Variants in PTPRD observed in about 807,000 individuals in gnomAD.
PTPRD encodes the protein protein tyrosine phosphatase receptor type D.
Under a neutral mutation model 214.5 loss-of-function variants are expected in PTPRD, and 34 were observed. The observed-to-expected ratio is 0.16, with a 90% CI of 0.12 to 0.21. PTPRD has a LOEUF of 0.21. Ranked by LOEUF, PTPRD falls within the 10% of genes least tolerant of loss-of-function variation. The pLI, the probability that PTPRD is intolerant of heterozygous loss-of-function variation, is 1.00. For missense variants in PTPRD, 2,545 were observed against 2,398.7 expected, an observed-to-expected ratio of 1.06 and a Z score of -1.27; for synonymous variants, 1,128 against 845.7, an observed-to-expected ratio of 1.33 and a Z score of -5.79.
chr9:9,961,359 G>T (rs946463839), intron 4 of PTPRD, among the ~76,000 whole-genome samples: 6 of 152,230 alleles, frequency 3.9e-5, no homozygotes, highest in Non-Finnish European at 7.4e-5. Flanking sequence ...TGTATTTGCT[G>T]AAACAGTGGT....
chr9:10,108,908 ATATAATAC>A (rs745770565), intron 3 of PTPRD, among the ~76,000 whole-genome samples: 31 of 151,982 alleles, frequency 2.0e-4, no homozygotes, highest in Non-Finnish European at 2.9e-5. Flanking sequence ...TTATTCCATA[ATATAATAC>A]TATACTCAGC....
intron 7 of PTPRD, among the ~76,000 whole-genome samples, chr9:9,641,689 A>G (rs1247335943): frequency 2.0e-5 from 3 of 152,188 alleles, no homozygotes; most frequent in Non-Finnish European, 2.9e-5. Flanking sequence ...AAAAATAACA[A>G]AGGAATTTTT....
chr9:10,113,759 C>T (rs574101088), intron 3 of PTPRD, among the ~76,000 whole-genome samples: 1 of 152,226 alleles, frequency 6.6e-6, no homozygotes, highest in South Asian at 2.1e-4. Context: ...ACAAAGTCAC[C>T]TGGAGATCAT....
intron 5 of PTPRD, among the ~76,000 whole-genome samples, chr9:9,792,048 C>A (rs1023991654): frequency 6.6e-6 from 1 of 151,932 alleles, no homozygotes; most frequent in East Asian, 1.9e-4. Flanking sequence ...ATATTATAAT[C>A]GAATGGGACT....
intron 5 of PTPRD, among the ~76,000 whole-genome samples, chr9:9,833,890 A>G (rs571850958): frequency 3.4e-4 from 51 of 152,128 alleles, no homozygotes; most frequent in Non-Finnish European, 5.9e-4. Context: ...TTCTTTTTTC[A>G]GGATGTCCAC....
chr9:10,179,750 G>C (rs1418925357), intron 3 of PTPRD, among the ~76,000 whole-genome samples: 1 of 152,008 alleles, frequency 6.6e-6, no homozygotes, highest in African/African-American at 2.4e-5. Flanking sequence ...CTGAAGCGGA[G>C]ACTAACTTGC....
intron 14 of PTPRD, among the ~76,000 whole-genome samples, chr9:8,548,604 G>C (rs1240857535): frequency 1.4e-5 from 2 of 147,918 alleles, no homozygotes; most frequent in African/African-American, 4.9e-5. Context: ...CTGACCTCAA[G>C]TGATCCACTT....
At chr9:10,460,708 T>C (rs1316277486) in intron 2 of PTPRD, among the ~76,000 whole-genome samples, 3 of 152,094 alleles carry the variant, frequency 2.0e-5, no homozygotes, top group Non-Finnish European at 2.9e-5. Context: ...TGAAATGGAA[T>C]CCTTCTCTTA....
chr9:8,549,452 G>C (rs975989318), intron 14 of PTPRD, among the ~76,000 whole-genome samples: 1 of 152,160 alleles, frequency 6.6e-6, no homozygotes, highest in African/African-American at 2.4e-5. Context: ...ACCCAGCAAA[G>C]AATTTACAGT....
At chr9:10,338,935 G>C (rs1358769611) in intron 3 of PTPRD, among the ~76,000 whole-genome samples, 1 of 146,650 alleles carries the variant, frequency 6.8e-6, no homozygotes, top group African/African-American at 2.5e-5. Context: ...TAAATATAAT[G>C]TAGACAAAAA....
intron 10 of PTPRD, among the ~76,000 whole-genome samples, chr9:9,124,993 C>T (rs531224278): frequency 6.6e-6 from 1 of 152,162 alleles, no homozygotes; most frequent in Admixed American, 6.5e-5. Flanking sequence ...CCCTACCTTC[C>T]TTTTCTGTCT....
Position 9,919,819 on chromosome 9 carries a change from A to G in PTPRD, c.-368+18688T>C, listed in dbSNP as rs1033079425. 5.9e-5 allele frequency among the ~76,000 whole-genome samples: 9 copies of G among 152,190 alleles called. No individual in the cohort carries two copies. In the East Asian group the frequency reaches 7.7e-4, roughly 13 times the overall value. On this transcript the variant is annotated intron_variant, in intron 5 of 45. Transcript: ENST00000381196. The stretch of plus-strand genomic sequence containing the variant: ...TCTTCGTTACTGCAGCATTTGTAAG[A>G]TATCAATGCCTGTTTGAATTCATGT...
intron 7 of PTPRD, among the ~76,000 whole-genome samples, chr9:9,722,522 T>C (rs1329326677): frequency 6.6e-6 from 1 of 152,080 alleles, no homozygotes; most frequent in Non-Finnish European, 1.5e-5. Context: ...ATAATGTTCC[T>C]CGGAATTTGG....
chr9:9,815,766 A>G (rs564626005), intron 5 of PTPRD, among the ~76,000 whole-genome samples: 51 of 152,284 alleles, frequency 3.3e-4, no homozygotes, highest in Admixed American at 1.1e-3. Context: ...ATGGGGCATG[A>G]GAGTATGTTG....
At chr9:8,476,857 G>C (rs2096775752) in intron 30 of PTPRD, among the ~76,000 whole-genome samples, 5 of 152,110 alleles carry the variant, frequency 3.3e-5, no homozygotes, top group African/African-American at 1.2e-4. Context: ...TTCTCCATCA[G>C]AATTTTCAAC....
intron 3 of PTPRD, among the ~76,000 whole-genome samples, chr9:10,229,817 C>T (rs561560008): frequency 1.2e-3 from 186 of 151,512 alleles, no homozygotes; most frequent in African/African-American, 4.2e-3. Context: ...CAAACCTGCA[C>T]GTTATGCACA....
chr9:9,492,497 G>C (rs150598891), intron 8 of PTPRD, among the ~76,000 whole-genome samples: 1 of 151,882 alleles, frequency 6.6e-6, no homozygotes, highest in Non-Finnish European at 1.5e-5. Context: ...TGCCAAAATG[G>C]TACAACATAT....
intron 30 of PTPRD, 132 bp downstream of exon 30, chr9:8,483,987 T>C (rs2096944972): frequency 8.5e-7 from 1 of 1,172,080 alleles, no homozygotes; most frequent in Admixed American, 2.4e-5. Flanking sequence ...ATAGCAAAAC[T>C]GGGAGTCTGA....
rs377480900 is a variant in PTPRD, at chr9:9,441,587, G to C, written c.-236-44105C>G. Among the ~76,000 whole-genome samples the C allele has an allele frequency of 2.6e-4, 39 of 152,114 alleles. No individual in the cohort carries two copies. In the East Asian group the frequency reaches 7.2e-3, roughly 28 times the overall value. On this transcript the variant is annotated intron_variant, in intron 8 of 45. Coordinates refer to ENST00000381196, the MANE Select transcript of PTPRD (RefSeq NM_002839.4). ...TTTATGAATGAGATACTCATTTCAG[G>C]AATTATCATGCTGCCCTTTCCATGG...
Sources: gnomAD v4.1 joint callset for allele counts (sites outside exome capture counted in the v4.1 genomes callset) on GRCh38, gnomAD v4.1.1 for gene constraint, MANE v1.5 for transcripts, NCBI Gene and HGNC (gene_info 2026-07-23, HGNC 2026-07-21) for gene names.